ARHGAP11B: variants seen among roughly 807,000 people sequenced by gnomAD.
ARHGAP11B encodes the protein inactive Rho GTPase-activating protein 11B.
In ARHGAP11B, 14 loss-of-function variants were observed where a neutral mutation model predicts 27.6. The observed-to-expected ratio is 0.51, with a 90% CI of 0.34 to 0.79. The LOEUF is 0.79. Ranked by LOEUF, ARHGAP11B falls within the 30% of genes least tolerant of loss-of-function variation. The probability of loss-of-function intolerance (pLI) is 0.02; values close to 1 mark genes in which losing one functional copy is unlikely to be tolerated. For missense variants in ARHGAP11B, 245 were observed against 320.1 expected (o/e 0.77, Z 1.79); for synonymous variants, 82 against 114.1 (o/e 0.72, Z 1.80).
chr15:30,630,019 A>G (rs74881982), intron 1 of ARHGAP11B, among the ~76,000 whole-genome samples: 4 of 151,814 alleles, frequency 2.6e-5, no homozygotes, highest in African/African-American at 7.3e-5. Context: ...CCAACAAACA[A>G]CTTTACTCTT....
chr15:30,630,514 G>A (rs2060237788), intron 1 of ARHGAP11B, among the ~76,000 whole-genome samples, 189 bp from the exon 2 acceptor site: 1 of 151,898 alleles, frequency 6.6e-6, no homozygotes, highest in South Asian at 2.1e-4. Context: ...CCAGCACTCA[G>A]CATACTATCT....
intron 9 of ARHGAP11B, among the ~76,000 whole-genome samples, chr15:30,646,679 G>A (rs1243286088): frequency 2.2e-5 from 3 of 139,032 alleles, no homozygotes; most frequent in African/African-American, 8.2e-5. Context: ...AAAAAAATAT[G>A]TGAAATTAGC....
At chr15:30,645,663 A>G (rs1292041161) in intron 8 of ARHGAP11B, among the ~76,000 whole-genome samples, 4 of 152,008 alleles carry the variant, frequency 2.6e-5, no homozygotes, top group African/African-American at 9.7e-5. Flanking sequence ...TTTGGAGCTA[A>G]AATTTCAGGT....
intron 7 of ARHGAP11B, among the ~76,000 whole-genome samples, chr15:30,639,447 T>C (rs1039471146): frequency 6.6e-6 from 1 of 151,556 alleles, no homozygotes; most frequent in Non-Finnish European, 1.5e-5. Flanking sequence ...TTTAAGTAAT[T>C]GCAGAGTGTT....
At chr15:30,637,575 A>C (rs1052435288) in intron 6 of ARHGAP11B, among the ~76,000 whole-genome samples, 1 of 151,922 alleles carries the variant, frequency 6.6e-6, no homozygotes, top group African/African-American at 2.4e-5. Flanking sequence ...TCTACTAAGA[A>C]TATAAAAAAT....
chr15:30,638,427 A>G (rs1320840849), intron 6 of ARHGAP11B, among the ~76,000 whole-genome samples: 1 of 151,662 alleles, frequency 6.6e-6, no homozygotes, highest in African/African-American at 2.4e-5. Context: ...TTCTTGCCTC[A>G]GTTCAGACCT....
At chr15:30,627,273 A>T (rs567463773) in intron 1 of ARHGAP11B, among the ~76,000 whole-genome samples, 1 of 152,104 alleles carries the variant, frequency 6.6e-6, no homozygotes, top group East Asian at 1.9e-4. Context: ...TCTGTCTTTT[A>T]CCCACTAGAT....
rs146907163 is a variant in ARHGAP11B, at chr15:30,635,609, A to C, written c.783A>C (p.Arg261Ser). Residue 261 changes from arginine (R) to serine (S), a missense_variant, in exon 6 of 11, where the codon AGA (arginine) becomes AGC (serine). Arg to Ser is a moderately radical substitution (Grantham distance 110, BLOSUM62 -1). This residue lies in a region of ARHGAP11B where 129 missense variants were observed against 159.9 expected (regional missense o/e 0.81). Coordinates refer to ENST00000428041, the Ensembl canonical transcript of ARHGAP11B. ...ATATGAAACTCCTGGTGAATATAAGAGAAAGAGAAGACAACGTGTAGGAGG... is the reference window on the plus strand; with the variant it reads ...ATATGAAACTCCTGGTGAATATAAGCGAAAGAGAAGACAACGTGTAGGAGG... 45 of 1,613,444 alleles carry C rather than the reference A, an allele frequency of 2.8e-5. No individual in the cohort carries two copies. The highest frequency in any genetic ancestry group is 3.7e-5 in the Non-Finnish European group (44 of 1,179,652).
chr15:30,641,811 T>A (rs1197111129), intron 7 of ARHGAP11B, among the ~76,000 whole-genome samples: 1 of 151,800 alleles, frequency 6.6e-6, no homozygotes, highest in Non-Finnish European at 1.5e-5. Context: ...CCACCTCCGA[T>A]GTTCAAGTGA....
chr15:30,637,996 A>G (rs1297062990), intron 6 of ARHGAP11B, among the ~76,000 whole-genome samples: 1 of 151,378 alleles, frequency 6.6e-6, no homozygotes, highest in Non-Finnish European at 1.5e-5. Flanking sequence ...ATTTTTGTAT[A>G]TGTAGTAGAA....
chr15:30,626,585 G>A, exon 1 of ARHGAP11B: 2 of 550,690 alleles, frequency 3.6e-6, no homozygotes, highest in Non-Finnish European at 6.2e-6. Context: ...AGTGAAGGAA[G>A]AGTGAGGTGT....
chr15:30,641,857 C>T (rs938991122), intron 7 of ARHGAP11B, among the ~76,000 whole-genome samples: 1 of 151,600 alleles, frequency 6.6e-6, no homozygotes, highest in African/African-American at 2.4e-5. Context: ...GTTGGGATTA[C>T]AGGCATGCAC....
chr15:30,644,968 T>TG (rs998788448), intron 8 of ARHGAP11B, among the ~76,000 whole-genome samples: 4 of 151,594 alleles, frequency 2.6e-5, no homozygotes, highest in African/African-American at 9.7e-5. Flanking sequence ...GTAGAGTGGG[T>TG]GGGGGGCCTC....
intron 9 of ARHGAP11B, among the ~76,000 whole-genome samples, chr15:30,646,696 G>A (rs552736433): frequency 1.8e-4 from 27 of 151,224 alleles, no homozygotes; most frequent in Non-Finnish European, 2.5e-4. Context: ...TAGCCCAGGC[G>A]CAGTGGCTCA....
chr15:30,644,828 T>C, intron 8 of ARHGAP11B: 1 of 884,706 alleles, frequency 1.1e-6, no homozygotes, highest in East Asian at 2.5e-5. Flanking sequence ...CAATTGGTTA[T>C]ATTCTTGGGT....
chr15:30,630,867 T>A, intron 2 of ARHGAP11B, 94 bp downstream of exon 2: 3 of 1,600,388 alleles, frequency 1.9e-6, no homozygotes, highest in Non-Finnish European at 2.6e-6. Flanking sequence ...ATCACTTGAG[T>A]CCGGGAGCTT....
At chr15:30,626,430 G>A in exon 1 of ARHGAP11B, 1 of 202,610 alleles carries the variant, frequency 4.9e-6, no homozygotes, top group Non-Finnish European at 1.0e-5. Context: ...CGAACCAGAC[G>A]GACAGTAAGG....
chr15:30,628,913 T>C (rs1438613540), intron 1 of ARHGAP11B, among the ~76,000 whole-genome samples: 3 of 152,098 alleles, frequency 2.0e-5, no homozygotes, highest in Admixed American at 6.6e-5. Flanking sequence ...ATTCTAGTTA[T>C]ATATAACAGA....
intron 4 of ARHGAP11B, among the ~76,000 whole-genome samples, chr15:30,634,667 G>A (rs988823876): frequency 2.0e-5 from 3 of 151,798 alleles, no homozygotes; most frequent in Non-Finnish European, 4.4e-5. Context: ...AAGATTCATT[G>A]TCCACTGAAA....
Sources: gnomAD v4.1 joint callset for allele counts (sites outside exome capture counted in the v4.1 genomes callset) on GRCh38, gnomAD v4.1.1 for gene constraint, gnomAD v4.1.1 regional missense constraint, MANE v1.5 for transcripts, NCBI Gene and HGNC (gene_info 2026-07-23, HGNC 2026-07-21) for gene names.